The following CBX7 variants were observed in gnomAD, a reference collection of about 807,000 sequenced individuals.
The protein encoded by CBX7 is chromobox protein homolog 7.
In CBX7, 14 loss-of-function variants were observed where a neutral mutation model predicts 31.4. The ratio of observed to expected loss-of-function variants is 0.45; its 90% CI spans 0.29 to 0.70. The LOEUF (loss-of-function observed/expected upper bound fraction) is 0.70, where lower values mean the gene tolerates loss of function less well. Among genes scored for constraint, CBX7 ranks in the 30% least tolerant of loss-of-function variants. The pLI is 0.11. For missense variants in CBX7, 269 were observed against 351.9 expected (o/e 0.76, Z 1.89); for synonymous variants, 159 against 152.6 (o/e 1.04, Z -0.31).
rs1319752653 is a variant in CBX7 at position 39,152,448 on chromosome 22, G to A, written c.-4C>T. The A allele has an allele frequency of 1.4e-5, 17 of 1,204,058 alleles. No individual in the cohort carries two copies. The highest frequency in any genetic ancestry group is 1.7e-5 in the Non-Finnish European group (16 of 962,200). 74.6% of individuals were successfully genotyped at this position (1,204,058 alleles called of 1,614,324 possible). On this transcript the variant is annotated 5_prime_UTR_variant, in exon 1 of 6. Transcript: ENST00000216133. The surrounding 1 kb of genome is among the most constrained non-coding windows in gnomAD (Gnocchi z 4.9). ...CGCCGATGGCTGACAGCTCCATGCG[G>A]GGCGGCGGGCGAGCGGGCCCGGGGC...
chr22:39,138,516 G>C, intron 4 of CBX7, 120 bp downstream of exon 4: 2 of 925,666 alleles, frequency 2.2e-6, no homozygotes, highest in South Asian at 2.7e-5. Flanking sequence ...ACAGTGCCCT[G>C]GGTGGTACAG....
intron 1 of CBX7, among the ~76,000 whole-genome samples, chr22:39,150,532 G>C (rs1489453805): frequency 6.6e-6 from 1 of 152,182 alleles, no homozygotes; most frequent in Non-Finnish European, 1.5e-5. Context: ...ACTTTGGAAG[G>C]CTGAGGCTGG....
intron 1 of CBX7, 22 bp from the exon 2 acceptor site, chr22:39,149,854 C>T (rs1218459846): frequency 1.9e-6 from 3 of 1,611,106 alleles, no homozygotes; most frequent in Non-Finnish European, 2.5e-6. Flanking sequence ...GAGAAGCAGA[C>T]ACAGTGAGTC....
intron 4 of CBX7, among the ~76,000 whole-genome samples, chr22:39,138,215 T>C (rs1023230100): frequency 6.6e-6 from 1 of 152,088 alleles, no homozygotes; most frequent in African/African-American, 2.4e-5. Context: ...TTCTGTTTCT[T>C]AGATTCTGAA....
chr22:39,135,795 G>A (rs1164373705), intron 4 of CBX7: 1 of 152,354 alleles, frequency 6.6e-6, no homozygotes, highest in African/African-American at 2.4e-5. Context: ...CAGGCCATCA[G>A]AAGCCTAGTA....
At chr22:39,151,782 G>A (rs1569113687) in intron 1 of CBX7, among the ~76,000 whole-genome samples, 1 of 150,262 alleles carries the variant, frequency 6.7e-6, no homozygotes. Flanking sequence ...GATGGGGTAG[G>A]AGACTAGGGG....
chr22:39,133,965 T>G lies in CBX7; in HGVS notation c.682A>C (p.Asn228His), dbSNP rs756680567. The change falls in exon 6 of 6, where the codon AAC becomes CAC. Residue 228 changes from asparagine (N) to histidine (H), a missense_variant. Physicochemically the swap from Asn to His is moderately conservative, Grantham distance 68. Transcript: ENST00000216133. Reference sequence around the variant, plus strand: ...TCGCGGAAGGTGACGGTGATGGAGTTGGCGGTGATGTCGGTCACGGTCACC... The same window carrying G: ...TCGCGGAAGGTGACGGTGATGGAGTGGGCGGTGATGTCGGTCACGGTCACC... ...SEVTVTDITA[N>H]SITVTFREAQ... The G allele has an allele frequency of 1.2e-6, 2 of 1,613,786 alleles. No individual in the cohort carries two copies. Among genetic ancestry groups the G allele is most frequent in the East Asian group, 4.5e-5 (2 of 44,870 alleles).
rs559084976 is a variant in CBX7, at chr22:39,140,886, C to T, written c.179+485G>A. On this transcript the variant is annotated intron_variant, in intron 3 of 5. Transcript: ENST00000216133. The stretch of plus-strand genomic sequence containing the variant: ...TCAGAAATCCCAGCCCCAAAGCCCA[C>T]GCTCCTGCCCAGCCTTCCTTGAGCT... Among the ~76,000 whole-genome samples, 7 of 152,310 alleles carry T rather than the reference C, an allele frequency of 4.6e-5. No homozygotes were observed. The East Asian group carries it at 7.7e-4, about 17-fold the overall frequency.
chr22:39,145,584 G>A (rs1296124801), intron 2 of CBX7, among the ~76,000 whole-genome samples: 3 of 151,832 alleles, frequency 2.0e-5, no homozygotes, highest in Admixed American at 1.3e-4. Context: ...GCGGGGGTCT[G>A]CACTGGGCTC....
At position 39,152,508 on chromosome 22, in the gene CBX7, G is replaced by A; in HGVS notation, c.-64C>T. On this transcript the variant is annotated 5_prime_UTR_variant, in exon 1 of 6. Coordinates refer to ENST00000216133, the MANE Select transcript of CBX7 (RefSeq NM_175709.5). This position sits in a 1 kb window ranked among gnomAD's most constrained non-coding sequence, Gnocchi z 4.9. ...CCGGGGGCGGAGCTGCGGGGCCGCG[G>A]CTGCGGCGCGCGATGCTGGGGCTGG... 1.2e-5 allele frequency: 9 copies of A among 741,624 alleles called. No homozygotes were observed. The highest frequency in any genetic ancestry group is 1.3e-5 in the Non-Finnish European group (8 of 607,946). 45.9% of individuals were successfully genotyped at this position (741,624 alleles called of 1,614,324 possible).
chr22:39,148,478 G>C (rs1026213713), intron 2 of CBX7: 1 of 152,278 alleles, frequency 6.6e-6, no homozygotes, highest in Non-Finnish European at 1.5e-5. Flanking sequence ...AGGGGTGTGC[G>C]CGCCCAGGGA....
At chr22:39,143,853 TAAG>T (rs879345781) in intron 2 of CBX7, among the ~76,000 whole-genome samples, 4 of 152,224 alleles carry the variant, frequency 2.6e-5, no homozygotes, top group Admixed American at 2.6e-4. Flanking sequence ...TAGGTGTGCC[TAAG>T]GTCACTCTGA....
chr22:39,149,984 C>G, intron 1 of CBX7, 152 bp from the exon 2 acceptor site: 1 of 687,982 alleles, frequency 1.5e-6, no homozygotes, highest in South Asian at 1.6e-5. Context: ...GACTGTCCAC[C>G]AGATCCTCGC....
At chr22:39,135,592 C>G (rs1288143427) in intron 4 of CBX7, 2 of 152,194 alleles carry the variant, frequency 1.3e-5, no homozygotes, top group African/African-American at 4.8e-5. Context: ...CACCTCCAAG[C>G]TGAGGGAAGG....
At chr22:39,136,932 C>T (rs1283620623) in intron 4 of CBX7, among the ~76,000 whole-genome samples, 1 of 152,234 alleles carries the variant, frequency 6.6e-6, no homozygotes, top group East Asian at 1.9e-4. Flanking sequence ...CCCACCCCCT[C>T]TGGCGAAAGC....
At chr22:39,139,430 C>T (rs896568381) in intron 3 of CBX7, among the ~76,000 whole-genome samples, 9 of 152,050 alleles carry the variant, frequency 5.9e-5, no homozygotes, top group Non-Finnish European at 8.8e-5. Flanking sequence ...CAGCCAGGCA[C>T]GGTGGCTCAC....
In CBX7 at chr22:39,133,232, C is replaced by T. The variant is rs1304522561; in HGVS notation, c.*659G>A. On this transcript the variant is annotated 3_prime_UTR_variant, in exon 6 of 6. Transcript: ENST00000216133. ...ACACGCGAAGGGTAATGCGTGCACA[C>T]CTGTGCAGCCAGGTGTGCATGAGCG... 1 of 152,176 alleles carries T rather than the reference C, an allele frequency of 6.6e-6. No homozygotes were observed. Among genetic ancestry groups the T allele is most frequent in the African/African-American group, 2.4e-5 (1 of 41,410 alleles). 9.4% of individuals were successfully genotyped at this position (152,176 alleles called of 1,614,324 possible).
intron 2 of CBX7, among the ~76,000 whole-genome samples, chr22:39,145,815 AC>A (rs1199676873): frequency 6.6e-6 from 1 of 151,208 alleles, no homozygotes; most frequent in Non-Finnish European, 1.5e-5. Context: ...GGCCGGGTAA[AC>A]AAGCCCCGGC....
intron 2 of CBX7, among the ~76,000 whole-genome samples, chr22:39,146,499 T>G (rs774992989): frequency 2.0e-5 from 3 of 152,212 alleles, no homozygotes; most frequent in Non-Finnish European, 4.4e-5. Context: ...CTGTAAACCT[T>G]CAGAGGTGGA....
Sources: allele counts gnomAD v4.1 joint callset (sites outside exome capture counted in the v4.1 genomes callset), GRCh38; gene constraint gnomAD v4.1.1; non-coding constraint Gnocchi (gnomAD v3.1); transcripts MANE v1.5; gene names NCBI Gene and HGNC (gene_info 2026-07-23, HGNC 2026-07-21).